The following PRDM15 variants were observed in gnomAD, a reference collection of about 807,000 sequenced individuals.
PRDM15 encodes the protein PR domain zinc finger protein 15.
PRDM15 carries 64 observed loss-of-function variants against 128.6 expected under a neutral mutation model. The ratio of observed to expected loss-of-function variants is 0.50; its 90% confidence interval spans 0.41 to 0.61. The LOEUF (loss-of-function observed/expected upper bound fraction) is 0.61. PRDM15 is among the 20% of genes least tolerant of loss of function. PRDM15 has a pLI of 0.00. For synonymous variants in PRDM15, 615 were observed against 621.8 expected (o/e 0.99, Z 0.16); for missense variants, 1,242 against 1,569.1 (o/e 0.79, Z 3.52).
At chr21:41,857,422 C>T in intron 3 of PRDM15, 93 bp from the exon 4 acceptor site, 1 of 1,339,118 alleles carries the variant, frequency 7.5e-7, no homozygotes, top group South Asian at 1.3e-5. Flanking sequence ...TCACTGACCG[C>T]CAGGGTTCTT....
chr21:41,859,135 T>A lies in PRDM15; in HGVS notation c.131+457A>T. 1 of 1,612,938 alleles carries A rather than the reference T, an allele frequency of 6.2e-7. No homozygotes were observed. Among genetic ancestry groups the A allele is most frequent in the Non-Finnish European group, 8.5e-7 (1 of 1,179,828 alleles). On this transcript the variant is annotated intron_variant, in intron 3 of 23. Transcript: ENST00000398548. The surrounding 1 kb of genome is among the most constrained non-coding windows in gnomAD (Gnocchi z 5.3). Reference sequence around the variant, plus strand: ...TCACCAGGCCTGCAGGGACTGCTTCTGGAAGCTGCTGTGGGTCAGCCCTGT... The same window carrying A: ...TCACCAGGCCTGCAGGGACTGCTTCAGGAAGCTGCTGTGGGTCAGCCCTGT...
At position 41,836,244 on chromosome 21, in the gene PRDM15, T is replaced by TA. The variant is rs754458051; in HGVS notation, c.1184-38dup. 4 of 1,571,330 alleles carry TA rather than the reference T, an allele frequency of 2.5e-6. No homozygotes were observed. In the African/African-American group the frequency reaches 5.4e-5, roughly 21 times the overall value. On this transcript the variant is annotated intron_variant, in intron 9 of 23. Coordinates refer to ENST00000398548, the MANE Select transcript of PRDM15 (RefSeq NM_001040424.3). ...ACCAACAGAGAGCTCATTCACTACTTAGAGCATTTACCGAGAGAAGCATGC... is the reference window on the plus strand; with the variant it reads ...ACCAACAGAGAGCTCATTCACTACTTAAGAGCATTTACCGAGAGAAGCATGC...
In PRDM15 at chr21:41,857,265, T is replaced by C. The variant is rs1209217427; in HGVS notation, c.196A>G (p.Ile66Val). The C allele has an allele frequency of 1.9e-6, 3 of 1,613,958 alleles. No individual in the cohort carries two copies. Among genetic ancestry groups the C allele is most frequent in the Admixed American group, 1.7e-5 (1 of 60,026 alleles). The change falls in exon 4 of 24, where the codon ATC (isoleucine) becomes GTC (valine). Residue 66 changes from isoleucine (I) to valine (V), a missense_variant. Physicochemically the swap from Ile to Val is conservative, Grantham distance 29 (BLOSUM62 3). Transcript: ENST00000398548. ...TGTGTCCGCTTGACGAGCTGAGTGA[T>C]GGCGAACACCCCCTCGGCTCCATCT... ...LEDGAEGVFAITQLVKRTQFG... is the reference protein window; with the variant it reads ...LEDGAEGVFAVTQLVKRTQFG...
chr21:41,861,541 C>CCA, intron 1 of PRDM15: 3 of 1,567,580 alleles, frequency 1.9e-6, no homozygotes, highest in Non-Finnish European at 2.6e-6. Context: ...TCTGCCCCCC[C>CCA]CCAATCCCCA....
chr21:41,804,867 C>A (rs2061513618), intron 21 of PRDM15: 2 of 356,460 alleles, frequency 5.6e-6, no homozygotes, highest in Admixed American at 4.4e-5. Flanking sequence ...GTCCACTCCC[C>A]CAGTGGGGAG....
chr21:41,856,026 C>T (rs558568036), intron 4 of PRDM15, among the ~76,000 whole-genome samples: 2 of 19,894 alleles, frequency 1.0e-4, no homozygotes, highest in Non-Finnish European at 1.8e-4. Context: ...TCCCTCCCTC[C>T]CTCCCCTCCC....
intron 6 of PRDM15, among the ~76,000 whole-genome samples, chr21:41,840,112 CAT>C (rs780784181): frequency 1.1e-4 from 17 of 152,290 alleles, no homozygotes; most frequent in Middle Eastern, 6.8e-3. Flanking sequence ...TACACACACA[CAT>C]ATGTCTGCAA....
intron 7 of PRDM15, among the ~76,000 whole-genome samples, chr21:41,839,111 C>A (rs767003599): frequency 1.3e-5 from 2 of 152,192 alleles, no homozygotes; most frequent in Admixed American, 6.5e-5. Flanking sequence ...GGATACTGCA[C>A]AATCAAAGGA....
At chr21:41,823,540 C>T (rs1031075566) in intron 13 of PRDM15, 91 bp from the exon 14 acceptor site, 9 of 1,417,570 alleles carry the variant, frequency 6.3e-6, no homozygotes, top group African/African-American at 2.8e-5. Context: ...AACCACAACC[C>T]GGGACGGAAA....
intron 16 of PRDM15, 138 bp from the exon 17 acceptor site, chr21:41,820,312 G>C: frequency 1.5e-6 from 1 of 677,842 alleles, no homozygotes; most frequent in Non-Finnish European, 2.6e-6. Context: ...AGATATTTGA[G>C]CCTCTGCCAC....
intron 1 of PRDM15, among the ~76,000 whole-genome samples, chr21:41,860,588 A>G: frequency 6.6e-6 from 1 of 151,892 alleles, no homozygotes. Context: ...ACACCCAGCT[A>G]ATTTTTGTAT....
In PRDM15 at chr21:41,859,626, T is replaced by C; in HGVS notation, c.97A>G (p.Met33Val). ...SECPELGPVV[M>V]VKDSFVLSRA... ...CTTAACACAAAGGAGTCTTTGACCA[T>C]GACCACTGGGCCCAGCTCGGGACAT... Residue 33 changes from methionine to valine, a missense_variant, in exon 3 of 24, where the codon ATG becomes GTG. Around this residue, in one of 3 missense-constraint regions of PRDM15, gnomAD observed 612 missense variants for 717.0 expected, o/e 0.85. Transcript: ENST00000398548. This position sits in a 1 kb window ranked among gnomAD's most constrained non-coding sequence, Gnocchi z 5.3. The C allele has an allele frequency of 1.9e-6, 3 of 1,614,036 alleles. No homozygotes were observed. Among genetic ancestry groups the C allele is most frequent in the Non-Finnish European group, 2.5e-6 (3 of 1,179,988 alleles).
At chr21:41,863,326 C>T (rs7281150) in intron 1 of PRDM15, 13,533 of 152,094 alleles carry the variant, frequency 0.089, 628 homozygotes, top group South Asian at 0.2. Context: ...ACATCCTTGC[C>T]TCCCACCCCC....
chr21:41,855,102 G>A (rs1486949332), intron 4 of PRDM15, among the ~76,000 whole-genome samples: 1 of 152,194 alleles, frequency 6.6e-6, no homozygotes, highest in Non-Finnish European at 1.5e-5. Context: ...CGGCCCAGGT[G>A]CGGAACTCAA....
Position 41,860,313 on chromosome 21 carries a change from C to G in PRDM15, c.37+14G>C. 6.2e-7 allele frequency: 1 copy of G among 1,612,302 alleles called. No individual in the cohort carries two copies. The highest frequency in any genetic ancestry group is 8.5e-7 in the Non-Finnish European group (1 of 1,178,378). ...GCTGGTCTCGGACCTGGGACAGGTC[C>G]CTGGGTCACTTACAGATGAACATGA... On this transcript the variant is annotated intron_variant, in intron 2 of 23. Transcript: ENST00000398548.
intron 18 of PRDM15, 106 bp from the exon 19 acceptor site, chr21:41,815,942 T>A: frequency 7.0e-7 from 1 of 1,432,646 alleles, no homozygotes; most frequent in Non-Finnish European, 9.5e-7. Context: ...CGTGCGGTAC[T>A]GGTGAGGGTG....
In PRDM15 at chr21:41,821,681, C is replaced by T. The variant is rs1015078622; in HGVS notation, c.1896+222G>A. ...GTTCCTGGAGGGCGCCTGTGAGACC[C>T]ACACAGACCGTCCCTGAGCACCAAG... is the stretch of plus-strand genomic sequence containing the variant. On this transcript the variant is annotated intron_variant, in intron 15 of 23. Coordinates refer to ENST00000398548, the MANE Select transcript of PRDM15 (RefSeq NM_001040424.3). The surrounding 1 kb of genome is among the most constrained non-coding windows in gnomAD (Gnocchi z 5.4). 1.3e-5 allele frequency among the ~76,000 whole-genome samples: 2 copies of T among 152,126 alleles called. No individual in the cohort carries two copies. The highest frequency in any genetic ancestry group is 2.9e-5 in the Non-Finnish European group (2 of 68,010).
In PRDM15 at chr21:41,859,345, G is replaced by A; in HGVS notation, c.131+247C>T. The stretch of plus-strand genomic sequence containing the variant: ...GCCTCCACACACTGTGTCGGGAACA[G>A]CTGGGCTCCAGCTAAGAACCCTGGA... On this transcript the variant is annotated intron_variant, in intron 3 of 23. Coordinates refer to ENST00000398548, the MANE Select transcript of PRDM15 (RefSeq NM_001040424.3). The surrounding 1 kb of genome is among the most constrained non-coding windows in gnomAD (Gnocchi z 5.3). 1.0e-6 allele frequency: 1 copy of A among 976,930 alleles called. No individual in the cohort carries two copies. The highest frequency in any genetic ancestry group is 1.5e-6 in the Non-Finnish European group (1 of 648,478). The allele number at this position is 976,930 out of a possible 1,614,324, so 60.5% of individuals were successfully genotyped here. A position where few individuals can be genotyped will look rare whatever the true frequency, so the allele number is the denominator to read the frequency against.
At chr21:41,812,790 G>A (rs2061906137) in intron 19 of PRDM15, 1 of 152,346 alleles carries the variant, frequency 6.6e-6, no homozygotes, top group South Asian at 2.1e-4. Flanking sequence ...AACAGCCACT[G>A]CCCTAGGGAA....
Sources: allele counts gnomAD v4.1 joint callset (sites outside exome capture counted in the v4.1 genomes callset), GRCh38; gene constraint gnomAD v4.1.1; regional missense constraint gnomAD v4.1.1; non-coding constraint Gnocchi (gnomAD v3.1); transcripts MANE v1.5; gene names NCBI Gene and HGNC (gene_info 2026-07-23, HGNC 2026-07-21).